The following KCNIP4 variants were observed in gnomAD, a reference collection of about 807,000 sequenced individuals.
KCNIP4 encodes the protein Kv channel-interacting protein 4.
In KCNIP4, 12 loss-of-function variants were observed where a neutral mutation model predicts 34.0. That is an observed-to-expected ratio of 0.35 (90% CI 0.23 to 0.57). KCNIP4 has a LOEUF of 0.57. Among genes scored for constraint, KCNIP4 ranks in the 20% least tolerant of loss-of-function variants. The probability of loss-of-function intolerance (pLI) is 0.83; values close to 1 mark genes in which losing one functional copy is unlikely to be tolerated. For missense variants in KCNIP4, 238 were observed against 311.7 expected (o/e 0.76, Z 1.78); for synonymous variants, 124 against 102.2 (o/e 1.21, Z -1.29).
chr4:20,943,972 G>A (rs1731920867), intron 1 of KCNIP4, among the ~76,000 whole-genome samples: 1 of 152,168 alleles, frequency 6.6e-6, no homozygotes, highest in African/African-American at 2.4e-5. Flanking sequence ...TCTAAAATAG[G>A]GAATGGGTTA....
intron 1 of KCNIP4, among the ~76,000 whole-genome samples, chr4:21,390,056 T>G (rs1224460610): frequency 4.0e-5 from 6 of 150,160 alleles, no homozygotes. Context: ...TGGCCAGTGA[T>G]GATGAGCATT....
At chr4:21,378,868 C>T (rs1197101451) in intron 1 of KCNIP4, among the ~76,000 whole-genome samples, 1 of 152,084 alleles carries the variant, frequency 6.6e-6, no homozygotes. Flanking sequence ...TAGCTATCTA[C>T]ATATTTATTA....
chr4:20,808,354 A>C (rs765104207), intron 3 of KCNIP4, among the ~76,000 whole-genome samples: 11 of 152,234 alleles, frequency 7.2e-5, no homozygotes, highest in Non-Finnish European at 1.6e-4. Flanking sequence ...CAGAGGACAC[A>C]TCAGACATAA....
In KCNIP4 at chr4:21,408,556, T is replaced by C. The variant is rs1398836183; in HGVS notation, c.62-525847A>G. Among the ~76,000 whole-genome samples the C allele has an allele frequency of 2.0e-5, 3 of 152,218 alleles. No individual in the cohort carries two copies. In the East Asian group the frequency reaches 5.8e-4, roughly 29 times the overall value. On this transcript the variant is annotated intron_variant, in intron 1 of 8. Coordinates refer to ENST00000382152, the MANE Select transcript of KCNIP4 (RefSeq NM_025221.6). ...GGAGAGAGGTTTCAGGATGTTTTGC[T>C]GTGTTTCATTGCAAAGTAATTGTTT...
intron 1 of KCNIP4, chr4:21,609,048 T>C (rs997158157): frequency 1.3e-5 from 2 of 152,100 alleles, no homozygotes; most frequent in Admixed American, 6.6e-5. Context: ...CTAGGAGAAC[T>C]GATGAGAGAT....
At chr4:21,015,552 TTAATA>T (rs1190559342) in intron 1 of KCNIP4, among the ~76,000 whole-genome samples, 25 of 118,840 alleles carry the variant, frequency 2.1e-4, no homozygotes, top group South Asian at 5.5e-4. Context: ...ATTATTATAA[TTAATA>T]TAATATAGTA....
intron 1 of KCNIP4, among the ~76,000 whole-genome samples, chr4:20,993,528 TA>T: frequency 6.6e-6 from 1 of 152,274 alleles, no homozygotes; most frequent in East Asian, 1.9e-4. Context: ...TAAGCCCTCT[TA>T]AAAGAAGTAG....
chr4:21,487,801 G>A (rs1191797665), intron 1 of KCNIP4, among the ~76,000 whole-genome samples: 9 of 152,128 alleles, frequency 5.9e-5, no homozygotes, highest in South Asian at 2.1e-4. Flanking sequence ...ACCTTTGGTA[G>A]TTAGGAGCTC....
intron 1 of KCNIP4, among the ~76,000 whole-genome samples, chr4:21,699,431 T>A (rs1712645503): frequency 6.6e-6 from 1 of 152,134 alleles, no homozygotes; most frequent in South Asian, 2.1e-4. Flanking sequence ...ACATATCCCA[T>A]ATGAGTAAGT....
At chr4:21,199,946 A>C (rs1404949422) in intron 1 of KCNIP4, among the ~76,000 whole-genome samples, 1 of 152,104 alleles carries the variant, frequency 6.6e-6, no homozygotes, top group Non-Finnish European at 1.5e-5. Context: ...CAAGAACAAA[A>C]AACCAAACAC....
chr4:21,300,787 C>T (rs1711582815), intron 1 of KCNIP4, among the ~76,000 whole-genome samples: 1 of 152,110 alleles, frequency 6.6e-6, no homozygotes, highest in Admixed American at 6.5e-5. Flanking sequence ...AAATAGGCCG[C>T]TGATATCTAT....
chr4:21,277,769 G>T (rs116754103), intron 1 of KCNIP4, among the ~76,000 whole-genome samples: 1 of 152,050 alleles, frequency 6.6e-6, no homozygotes, highest in Non-Finnish European at 1.5e-5. Context: ...AAAATAATTC[G>T]CCAGAGTTGA....
chr4:20,980,458 A>G (rs1460497340), intron 1 of KCNIP4, among the ~76,000 whole-genome samples: 1 of 152,182 alleles, frequency 6.6e-6, no homozygotes, highest in Non-Finnish European at 1.5e-5. Context: ...TTGAGTCCTA[A>G]GTCATGAATT....
At chr4:21,515,297 A>C (rs1734661482) in intron 1 of KCNIP4, among the ~76,000 whole-genome samples, 1 of 152,152 alleles carries the variant, frequency 6.6e-6, no homozygotes, top group Non-Finnish European at 1.5e-5. Context: ...TTGAATGTGC[A>C]AAGATCATGT....
chr4:21,519,789 G>T (rs114314854), intron 1 of KCNIP4, among the ~76,000 whole-genome samples: 1,517 of 133,858 alleles, frequency 0.011, 67 homozygotes, highest in African/African-American at 0.04. Context: ...GTGTGTATGT[G>T]TGTGTATACA....
In KCNIP4 at chr4:21,457,186, A is replaced by T. The variant is rs146816049; in HGVS notation, c.61+491385T>A. ...TTGCTACCATCTTCATTTCCCACCA[A>T]ATAAATCAGGTCTCAGCTTATGATC... On this transcript the variant is annotated intron_variant, in intron 1 of 8. Transcript: ENST00000382152. Among the ~76,000 whole-genome samples the T allele has an allele frequency of 2.4e-3, 358 of 152,122 alleles. 1 individual carries two copies. Among genetic ancestry groups the T allele is most frequent in the African/African-American group, 8.0e-3 (330 of 41,498 alleles).
intron 1 of KCNIP4, among the ~76,000 whole-genome samples, chr4:21,472,694 C>T (rs540159147): frequency 1.7e-4 from 26 of 152,182 alleles, no homozygotes; most frequent in African/African-American, 4.6e-4. Flanking sequence ...CTATTTGAAA[C>T]GCAGTTCAGG....
At chr4:21,249,245 T>C (rs541335811) in intron 1 of KCNIP4, among the ~76,000 whole-genome samples, 2 of 152,168 alleles carry the variant, frequency 1.3e-5, no homozygotes, top group African/African-American at 4.8e-5. Flanking sequence ...TACATACATA[T>C]AACCATATCA....
intron 1 of KCNIP4, among the ~76,000 whole-genome samples, chr4:21,142,571 G>T (rs1205102691): frequency 6.6e-6 from 1 of 152,046 alleles, no homozygotes; most frequent in Non-Finnish European, 1.5e-5. Context: ...GGTTCCTAGG[G>T]TGCTGAGAGC....
Sources: allele counts gnomAD v4.1 joint callset (sites outside exome capture counted in the v4.1 genomes callset), GRCh38; gene constraint gnomAD v4.1.1; transcripts MANE v1.5; gene names NCBI Gene and HGNC (gene_info 2026-07-23, HGNC 2026-07-21).